GULP1: variants seen among roughly 807,000 people sequenced by gnomAD.
GULP1 encodes GULP PTB domain containing engulfment adaptor 1.
Under a neutral mutation model 40.9 loss-of-function variants are expected in GULP1, and 19 were observed. The ratio of observed to expected loss-of-function variants is 0.46; its 90% CI spans 0.32 to 0.68. The LOEUF is 0.68. Among genes scored for constraint, GULP1 ranks in the 30% least tolerant of loss-of-function variants. GULP1 has a pLI of 0.03. For missense variants in GULP1, 312 were observed against 362.2 expected, an observed-to-expected ratio of 0.86 and a Z score of 1.12; for synonymous variants, 119 against 117.6, an observed-to-expected ratio of 1.01 and a Z score of -0.08.
intron 4 of GULP1, among the ~76,000 whole-genome samples, chr2:188,503,115 G>A (rs7423378): frequency 0.96 from 146,403 of 151,978 alleles, 70,647 homozygotes; most frequent in East Asian, 1. Context: ...AGGGAGTACA[G>A]TATTTAAACC....
At chr2:188,593,342 C>T (rs914669636) in intron 11 of GULP1, 1 of 152,016 alleles carries the variant, frequency 6.6e-6, no homozygotes, top group Non-Finnish European at 1.5e-5. Context: ...GACAACTTAA[C>T]TTCTAAAATA....
intron 2 of GULP1, among the ~76,000 whole-genome samples, chr2:188,420,538 A>G (rs573574822): frequency 1.3e-5 from 2 of 152,284 alleles, no homozygotes; most frequent in African/African-American, 4.8e-5. Flanking sequence ...CAGTTCAGCA[A>G]GTTCTGAGTT....
At chr2:188,545,188 A>G (rs567203046) in intron 7 of GULP1, among the ~76,000 whole-genome samples, 1 of 152,070 alleles carries the variant, frequency 6.6e-6, no homozygotes, top group South Asian at 2.1e-4. Context: ...ATGAATGAAA[A>G]TTAAGATTGT....
At chr2:188,318,582 G>A (rs1419094422) in intron 1 of GULP1, among the ~76,000 whole-genome samples, 1 of 152,094 alleles carries the variant, frequency 6.6e-6, no homozygotes, top group Non-Finnish European at 1.5e-5. Flanking sequence ...AGGGGCAGAG[G>A]CAGCTTTCCA....
chr2:188,575,773 GAT>G (rs1323617793), intron 9 of GULP1, among the ~76,000 whole-genome samples: 26 of 151,976 alleles, frequency 1.7e-4, no homozygotes, highest in African/African-American at 6.3e-4. Context: ...TTAATGCAAT[GAT>G]ATGTCACTTG....
At chr2:188,436,000 T>G (rs1381150043) in intron 2 of GULP1, among the ~76,000 whole-genome samples, 3 of 152,134 alleles carry the variant, frequency 2.0e-5, no homozygotes, top group Admixed American at 1.3e-4. Flanking sequence ...CAAAATCAAC[T>G]GTTTTGAGAC....
chr2:188,312,639 T>G (rs2038368478), intron 1 of GULP1, among the ~76,000 whole-genome samples: 1 of 152,204 alleles, frequency 6.6e-6, no homozygotes, highest in Non-Finnish European at 1.5e-5. Context: ...TAGAATGATT[T>G]ATAATCCTTT....
intron 4 of GULP1, among the ~76,000 whole-genome samples, chr2:188,517,594 T>C (rs2153222951): frequency 6.6e-6 from 1 of 152,288 alleles, no homozygotes; most frequent in Non-Finnish European, 1.5e-5. Context: ...TAAGATCGAC[T>C]CACTCAAAAG....
intron 7 of GULP1, among the ~76,000 whole-genome samples, chr2:188,544,821 C>G (rs1691480788): frequency 6.6e-6 from 1 of 151,842 alleles, no homozygotes; most frequent in African/African-American, 2.4e-5. Flanking sequence ...AAAAACACTC[C>G]AAGAATATTA....
At chr2:188,512,954 A>G (rs976191328) in intron 4 of GULP1, among the ~76,000 whole-genome samples, 3 of 152,148 alleles carry the variant, frequency 2.0e-5, no homozygotes, top group Non-Finnish European at 2.9e-5. Context: ...CAAGGTAAAT[A>G]TTTTGTTTAC....
intron 5 of GULP1, among the ~76,000 whole-genome samples, chr2:188,527,803 AAAAGAGAGAAAGACTTTT>A: frequency 6.6e-6 from 1 of 152,308 alleles, no homozygotes; most frequent in African/African-American, 2.4e-5. Context: ...CAAAGCCATG[AAAAGAGAGAAAGACTTTT>A]AATCACTCTG....
At chr2:188,588,238 C>T in intron 11 of GULP1, 1 of 364,760 alleles carries the variant, frequency 2.7e-6, no homozygotes, top group South Asian at 2.9e-5. Flanking sequence ...GTTCTGAAAT[C>T]TAGAGTTAAA....
At chr2:188,569,180 G>T in intron 7 of GULP1, 59 bp from the exon 8 acceptor site, 1 of 877,424 alleles carries the variant, frequency 1.1e-6, no homozygotes. Flanking sequence ...TTGTTTTCTC[G>T]ATTCAAAAAC....
At chr2:188,305,690 C>T (rs1274755579) in intron 1 of GULP1, among the ~76,000 whole-genome samples, 3 of 152,196 alleles carry the variant, frequency 2.0e-5, no homozygotes, top group African/African-American at 7.2e-5. Flanking sequence ...AATGTTTTGT[C>T]TGCATATTCC....
intron 2 of GULP1, among the ~76,000 whole-genome samples, chr2:188,403,462 A>G (rs1003484677): frequency 6.6e-6 from 1 of 152,168 alleles, no homozygotes; most frequent in African/African-American, 2.4e-5. Flanking sequence ...TATAATTTAA[A>G]CTTACATTTG....
Position 188,446,835 on chromosome 2 carries a change from T to C in GULP1, c.-44-30824T>C, listed in dbSNP as rs1042988327. Among the ~76,000 whole-genome samples, 19 of 104,044 alleles carry C rather than the reference T, an allele frequency of 1.8e-4. 1 individual carries two copies. The highest frequency in any genetic ancestry group is 1.8e-3 in the Admixed American group (16 of 8,952). The allele number at this position is 104,044 out of a possible 152,430, so 68.3% of individuals were successfully genotyped here. A position where few individuals can be genotyped will look rare whatever the true frequency, so the allele number is the denominator to read the frequency against. ...CATTTGACATATTTTGGAATAAAAG[T>C]TGCTCTGGTCACTTTCATTGAGTGA... On this transcript the variant is annotated intron_variant, in intron 2 of 11. Transcript: ENST00000409830.
intron 1 of GULP1, among the ~76,000 whole-genome samples, chr2:188,336,778 T>A (rs1301157755): frequency 6.6e-6 from 1 of 152,184 alleles, no homozygotes; most frequent in Non-Finnish European, 1.5e-5. Flanking sequence ...AAAGTTTTGC[T>A]TATAGGAGGA....
chr2:188,305,816 C>T (rs138778078), intron 1 of GULP1, among the ~76,000 whole-genome samples: 392 of 152,234 alleles, frequency 2.6e-3, no homozygotes, highest in African/African-American at 8.2e-3. Flanking sequence ...CTTGTTCTGT[C>T]GCCCAGGCTG....
At chr2:188,454,562 A>G (rs1575365144) in intron 2 of GULP1, among the ~76,000 whole-genome samples, 1 of 152,210 alleles carries the variant, frequency 6.6e-6, no homozygotes, top group Non-Finnish European at 1.5e-5. Flanking sequence ...GGGTTTCACC[A>G]GGGAACCACC....
Sources: allele counts gnomAD v4.1 joint callset (sites outside exome capture counted in the v4.1 genomes callset), GRCh38; gene constraint gnomAD v4.1.1; transcripts MANE v1.5; gene names NCBI Gene and HGNC (gene_info 2026-07-23, HGNC 2026-07-21).